LHX9: variants seen among roughly 807,000 people sequenced by gnomAD.
LHX9 encodes LIM/homeobox protein Lhx9.
Under a neutral mutation model 36.5 loss-of-function variants are expected in LHX9, and 9 were observed. The ratio of observed to expected loss-of-function variants is 0.25; its 90% CI spans 0.15 to 0.43. LHX9 has a LOEUF of 0.43. Ranked by LOEUF, LHX9 falls within the 20% of genes least tolerant of loss-of-function variation. The pLI, the probability that LHX9 is intolerant of heterozygous loss-of-function variation, is 1.00. For synonymous variants in LHX9, 211 were observed against 212.1 expected (o/e 0.99, Z 0.04); for missense variants, 464 against 526.4 (o/e 0.88, Z 1.16).
chr1:197,918,039 C>G (rs562140354), intron 1 of LHX9, 42 bp downstream of exon 1: 15 of 1,591,882 alleles, frequency 9.4e-6, no homozygotes, highest in Non-Finnish European at 1.3e-5. Context: ...GGCACCCCTG[C>G]GCCCTCTGTT....
At position 197,921,458 on chromosome 1, in the gene LHX9, G is replaced by A; in HGVS notation, c.532G>A (p.Asp178Asn). 1 of 1,614,214 alleles carries A rather than the reference G, an allele frequency of 6.2e-7. No individual in the cohort carries two copies. The highest frequency in any genetic ancestry group is 8.5e-7 in the Non-Finnish European group (1 of 1,180,050). ...CACGGGCGACCATTTCGGCATGAAG[G>A]ACAGCCTGGTGTACTGCCGCGCCCA... The part of the protein sequence containing the change: ...LTTGDHFGMK[D>N]SLVYCRAHFE... The change falls in exon 3 of 5, where the codon GAC becomes AAC. Residue 178 changes from aspartate to asparagine, a missense_variant. Physicochemically the swap from Asp to Asn is conservative, Grantham distance 23. Transcript: ENST00000367387. The surrounding 1 kb of genome is among the most constrained non-coding windows in gnomAD (Gnocchi z 4.6).
rs12741601 is a variant in LHX9, at chr1:197,921,033, T to C, written c.378-271T>C. 1.3e-5 allele frequency among the ~76,000 whole-genome samples: 2 copies of C among 152,074 alleles called. No individual in the cohort carries two copies. Among genetic ancestry groups the C allele is most frequent in the African/African-American group, 4.8e-5 (2 of 41,356 alleles). ...AGTGCTAACTAGTGGTTTGCTTTTTTAAATTTTTTTTAATGTTTTAAATTT... is the reference window on the plus strand; with the variant it reads ...AGTGCTAACTAGTGGTTTGCTTTTTCAAATTTTTTTTAATGTTTTAAATTT... On this transcript the variant is annotated intron_variant, in intron 2 of 4. Coordinates refer to ENST00000367387, the MANE Select transcript of LHX9 (RefSeq NM_020204.3). This position sits in a 1 kb window ranked among gnomAD's most constrained non-coding sequence, Gnocchi z 4.6.
In LHX9 at chr1:197,921,734, A is replaced by C; in HGVS notation, c.733+75A>C. Reference sequence around the variant, plus strand: ...AATTCGTAGAGCTCCTTCCCCGTCCAAAGTCTTGCTGCAAGAGTGTGTTTT... The same window carrying C: ...AATTCGTAGAGCTCCTTCCCCGTCCCAAGTCTTGCTGCAAGAGTGTGTTTT... On this transcript the variant is annotated intron_variant, in intron 3 of 4. Transcript: ENST00000367387. The surrounding 1 kb of genome is among the most constrained non-coding windows in gnomAD (Gnocchi z 4.6). 1 of 1,247,564 alleles carries C rather than the reference A, an allele frequency of 8.0e-7. No individual in the cohort carries two copies. The highest frequency in any genetic ancestry group is 2.5e-5 in the Admixed American group (1 of 39,664). The allele number at this position is 1,247,564 out of a possible 1,614,324, so 77.3% of individuals were successfully genotyped here.
chr1:197,919,936 C>T, intron 1 of LHX9, 36 bp from the exon 2 acceptor site: 1 of 1,603,460 alleles, frequency 6.2e-7, no homozygotes, highest in Non-Finnish European at 8.5e-7. Flanking sequence ...CTACACCGCG[C>T]GCCCTCCTCA....
chr1:197,921,377 G>A lies in LHX9; in HGVS notation c.451G>A (p.Asp151Asn), dbSNP rs1482842393. 2 of 1,614,192 alleles carry A rather than the reference G, an allele frequency of 1.2e-6. No individual in the cohort carries two copies. Among genetic ancestry groups the A allele is most frequent in the Non-Finnish European group, 1.7e-6 (2 of 1,180,050 alleles). ...CTCGGAGATGGTCATGCGCGCCCGA[G>A]ACTCTGTCTACCACCTGAGCTGCTT... Reference protein sequence around the residue: ...SASEMVMRARDSVYHLSCFTC... With the variant: ...SASEMVMRARNSVYHLSCFTC... The change falls in exon 3 of 5, where the codon GAC becomes AAC. Residue 151 changes from aspartate (D) to asparagine (N), a missense_variant. Coordinates refer to ENST00000367387, the MANE Select transcript of LHX9 (RefSeq NM_020204.3). This position sits in a 1 kb window ranked among gnomAD's most constrained non-coding sequence, Gnocchi z 4.6.
upstream of LHX9, chr1:197,917,127 CGCGT>C (rs945082168): frequency 3.3e-4 from 128 of 392,148 alleles, no homozygotes; most frequent in East Asian, 0.014. Flanking sequence ...CGCGCGCGCG[CGCGT>C]GTGTGTGTTT....
In LHX9 at chr1:197,929,604, G is replaced by A. The variant is rs1028194394; in HGVS notation, c.*345G>A. ...AATCTCGAAGAAAAAAGAAAAAAGAGTGGTATTATTATGGGCAAATAATCA... is the reference window on the plus strand; with the variant it reads ...AATCTCGAAGAAAAAAGAAAAAAGAATGGTATTATTATGGGCAAATAATCA... On this transcript the variant is annotated 3_prime_UTR_variant, in exon 5 of 5. Coordinates refer to ENST00000367387, the MANE Select transcript of LHX9 (RefSeq NM_020204.3). 6.5e-6 allele frequency: 6 copies of A among 924,452 alleles called. No homozygotes were observed. Among genetic ancestry groups the A allele is most frequent in the African/African-American group, 1.8e-5 (1 of 56,048 alleles). The allele number at this position is 924,452 out of a possible 1,614,324, so 57.3% of individuals were successfully genotyped here. A position where few individuals can be genotyped will look rare whatever the true frequency, so the allele number is the denominator to read the frequency against.
At chr1:197,918,998 C>A (rs1036012650) in intron 1 of LHX9, among the ~76,000 whole-genome samples, 3 of 152,150 alleles carry the variant, frequency 2.0e-5, no homozygotes, top group Admixed American at 2.0e-4. Flanking sequence ...AGTGCCGGGG[C>A]CCCTGGTCGG....
intron 4 of LHX9, 144 bp from the exon 5 acceptor site, chr1:197,928,858 G>C: frequency 1.1e-6 from 1 of 935,702 alleles, no homozygotes. Context: ...TCCTAAGAAA[G>C]ACAAACAATG....
At chr1:197,914,100 G>A (rs1016916846), upstream of LHX9, among the ~76,000 whole-genome samples, 3 of 152,284 alleles carry the variant, frequency 2.0e-5, no homozygotes, top group Admixed American at 1.3e-4. Context: ...CTATAGTCCG[G>A]CCGTCCACTT....
Position 197,929,157 on chromosome 1 carries a change from C to G in LHX9, c.1092C>G (p.Asp364Glu), listed in dbSNP as rs1215270440. Residue 364 changes from aspartate (D) to glutamate (E), a missense_variant, in exon 5 of 5, where the codon GAC becomes GAG. Asp to Glu is a conservative substitution (Grantham distance 45). Transcript: ENST00000367387. ...TPPGTATTLT[D>E]LTNPTITVVT... is the part of the protein sequence containing the mutation. ...CCGGCACTGCGACCACTTTAACAGA[C>G]CTGACCAATCCCACTATCACTGTAG... 1 of 1,613,108 alleles carries G rather than the reference C, an allele frequency of 6.2e-7. No homozygotes were observed. The highest frequency in any genetic ancestry group is 8.5e-7 in the Non-Finnish European group (1 of 1,179,720).
intron 1 of LHX9, among the ~76,000 whole-genome samples, chr1:197,919,014 A>T (rs1030588368): frequency 7.9e-5 from 12 of 152,334 alleles, no homozygotes; most frequent in African/African-American, 2.9e-4. Context: ...GTCGGAGTAA[A>T]GGGCTAAACT....
chr1:197,929,220 C>A lies in LHX9; in HGVS notation c.1155C>A (p.Ser385=). 1.3e-6 allele frequency: 2 copies of A among 1,538,028 alleles called. No individual in the cohort carries two copies. Among genetic ancestry groups the A allele is most frequent in the Non-Finnish European group, 8.8e-7 (1 of 1,139,360 alleles). The change falls in exon 5 of 5, where the codon TCC becomes TCA. Residue 385 remains serine (S), a synonymous_variant. Transcript: ENST00000367387. ...SVTSNMDSHE[S]GSPSQTTLTN... ...CCTCTAACATGGACAGCCACGAATC[C>A]GGAAGCCCCTCACAAACTACCTTAA...
At chr1:197,922,838 A>T (rs183787763) in intron 3 of LHX9, among the ~76,000 whole-genome samples, 98 of 152,242 alleles carry the variant, frequency 6.4e-4, no homozygotes, top group African/African-American at 1.9e-3. Flanking sequence ...AGAGCATGGG[A>T]TCTTGCCTGT....
intron 4 of LHX9, among the ~76,000 whole-genome samples, chr1:197,928,665 C>T (rs535645590): frequency 2.0e-5 from 3 of 152,144 alleles, no homozygotes; most frequent in East Asian, 1.9e-4. Context: ...GAGGAATCAC[C>T]GTGTATTTCC....
intron 4 of LHX9, among the ~76,000 whole-genome samples, 185 bp downstream of exon 4, chr1:197,927,978 G>A (rs1378580286): frequency 6.6e-6 from 1 of 152,178 alleles, no homozygotes; most frequent in African/African-American, 2.4e-5. Flanking sequence ...CCCAAACAGA[G>A]ACCCAGGGTC....
At chr1:197,919,020 A>G (rs888913370) in intron 1 of LHX9, among the ~76,000 whole-genome samples, 2 of 152,208 alleles carry the variant, frequency 1.3e-5, no homozygotes, top group African/African-American at 4.8e-5. Context: ...GTAAAGGGCT[A>G]AACTTTACTT....
Position 197,932,116 on chromosome 1 carries a change from T to A in LHX9, c.*2857T>A. 1.7e-6 allele frequency: 1 copy of A among 603,792 alleles called. No homozygotes were observed. Among genetic ancestry groups the A allele is most frequent in the Non-Finnish European group, 2.9e-6 (1 of 349,892 alleles). The allele number at this position is 603,792 out of a possible 1,614,324, so 37.4% of individuals were successfully genotyped here. ...AGAGAGAGACTTAAATGTCATTTAC[T>A]GAATGTTAACGAAACTTGTGTTCTT... On this transcript the variant is annotated 3_prime_UTR_variant, in exon 5 of 5. Coordinates refer to ENST00000367387, the MANE Select transcript of LHX9 (RefSeq NM_020204.3).
intron 2 of LHX9, among the ~76,000 whole-genome samples, chr1:197,920,980 T>C (rs1051081886): frequency 6.6e-6 from 1 of 152,256 alleles, no homozygotes; most frequent in African/African-American, 2.4e-5. Flanking sequence ...GGCATGGCAA[T>C]TTAATATTCT....
Sources: allele counts gnomAD v4.1 joint callset (sites outside exome capture counted in the v4.1 genomes callset), GRCh38; gene constraint gnomAD v4.1.1; non-coding constraint Gnocchi (gnomAD v3.1); transcripts MANE v1.5; gene names NCBI Gene and HGNC (gene_info 2026-07-23, HGNC 2026-07-21).